PAX5: variants seen among roughly 807,000 people sequenced by gnomAD.
The protein encoded by PAX5 is paired box 5, also known as paired box protein Pax-5.
A neutral mutation model predicts 43.7 loss-of-function variants in PAX5; 9 were observed. The observed-to-expected ratio is 0.21, with a 90% confidence interval of 0.12 to 0.36. PAX5 has a LOEUF of 0.36. Among genes scored for constraint, PAX5 ranks in the 10% least tolerant of loss-of-function variants. The pLI, the probability that PAX5 is intolerant of heterozygous loss-of-function variation, is 1.00. For synonymous variants in PAX5, 228 were observed against 214.3 expected, an observed-to-expected ratio of 1.06 and a Z score of -0.56; for missense variants, 383 against 532.7, an observed-to-expected ratio of 0.72 and a Z score of 2.77.
At chr9:37,027,235 C>T (rs1840484299) in intron 1 of PAX5, among the ~76,000 whole-genome samples, 1 of 152,232 alleles carries the variant, frequency 6.6e-6, no homozygotes, top group African/African-American at 2.4e-5. Context: ...GAGATGCTTC[C>T]GCCCCTGACG....
intron 8 of PAX5, among the ~76,000 whole-genome samples, chr9:36,869,713 A>T (rs1422222573): frequency 6.6e-6 from 1 of 152,218 alleles, no homozygotes; most frequent in African/African-American, 2.4e-5. Context: ...TTGATCTTGT[A>T]TCCTTAGGCT....
chr9:36,916,269 T>C (rs969025813), intron 7 of PAX5, among the ~76,000 whole-genome samples: 4 of 152,168 alleles, frequency 2.6e-5, no homozygotes, highest in Non-Finnish European at 5.9e-5. Flanking sequence ...CCCAAGTATA[T>C]TTGGACCTAT....
chr9:36,935,399 A>C (rs964117937), intron 6 of PAX5, among the ~76,000 whole-genome samples: 2 of 152,104 alleles, frequency 1.3e-5, no homozygotes, highest in South Asian at 2.1e-4. Flanking sequence ...ACAAACAAAA[A>C]AAAAAATGAT....
At chr9:37,024,990 C>A (rs1401996297) in intron 1 of PAX5, among the ~76,000 whole-genome samples, 1 of 152,212 alleles carries the variant, frequency 6.6e-6, no homozygotes, top group Non-Finnish European at 1.5e-5. Context: ...CAGAGCATTG[C>A]CCTAACTGGT....
intron 1 of PAX5, among the ~76,000 whole-genome samples, chr9:37,025,696 G>A (rs1206296918): frequency 1.3e-5 from 2 of 152,236 alleles, no homozygotes; most frequent in Non-Finnish European, 2.9e-5. Flanking sequence ...TGAATTGGCA[G>A]GATCCCTGCG....
chr9:36,854,653 T>C (rs1166565030), intron 8 of PAX5, among the ~76,000 whole-genome samples: 3 of 152,140 alleles, frequency 2.0e-5, no homozygotes, highest in Non-Finnish European at 4.4e-5. Flanking sequence ...CTTCTCACCG[T>C]TCCTCTCTCC....
chr9:36,883,996 A>T (rs559598230), intron 7 of PAX5, among the ~76,000 whole-genome samples: 5 of 148,298 alleles, frequency 3.4e-5, no homozygotes, highest in East Asian at 1.9e-4. Context: ...GAAAAAGTTT[A>T]AAAAAAAATA....
intron 7 of PAX5, among the ~76,000 whole-genome samples, chr9:36,912,630 C>T (rs1829392053): frequency 6.6e-6 from 1 of 152,200 alleles, no homozygotes; most frequent in Admixed American, 6.5e-5. Flanking sequence ...GAGCAGGTCA[C>T]TTCCCTCTCT....
intron 7 of PAX5, among the ~76,000 whole-genome samples, chr9:36,891,727 C>G (rs78366821): frequency 3.9e-5 from 6 of 152,222 alleles, no homozygotes; most frequent in Non-Finnish European, 7.3e-5. Flanking sequence ...GTGTTATTGA[C>G]TTAGGAATAG....
chr9:36,986,006 G>C (rs959145961), intron 5 of PAX5, among the ~76,000 whole-genome samples: 1 of 151,886 alleles, frequency 6.6e-6, no homozygotes, highest in Non-Finnish European at 1.5e-5. Context: ...CACGCTGCGC[G>C]TCCGCCATCC....
chr9:36,977,308 G>T (rs1030285192), intron 5 of PAX5, among the ~76,000 whole-genome samples: 1 of 138,966 alleles, frequency 7.2e-6, no homozygotes, highest in Non-Finnish European at 1.6e-5. Flanking sequence ...CTAAAGATTG[G>T]GGGGGTGGGG....
At position 36,882,102 on chromosome 9, in the gene PAX5, C is replaced by G; in HGVS notation, c.914G>C (p.Arg305Pro). The stretch of plus-strand genomic sequence containing the variant: ...GGGGAGGGTCGTGCTCGCCAAGTCA[C>G]GGCCTGAGGAATCAAAGCAACAAAT... ...GPQSYPIVTG[R>P]DLASTTLPGY... The change falls in exon 8 of 10, where the codon CGT (arginine) becomes CCT (proline). Residue 305 changes from arginine to proline, a missense_variant. Physicochemically the swap from Arg to Pro is moderately radical, Grantham distance 103. Coordinates refer to ENST00000358127, the MANE Select transcript of PAX5 (RefSeq NM_016734.3). This position sits in a 1 kb window ranked among gnomAD's most constrained non-coding sequence, Gnocchi z 4.4. 1 of 1,581,876 alleles carries G rather than the reference C, an allele frequency of 6.3e-7. No individual in the cohort carries two copies. Among genetic ancestry groups the G allele is most frequent in the Non-Finnish European group, 8.6e-7 (1 of 1,160,542 alleles).
At chr9:36,981,043 C>T (rs994879848) in intron 5 of PAX5, among the ~76,000 whole-genome samples, 3 of 152,184 alleles carry the variant, frequency 2.0e-5, no homozygotes, top group African/African-American at 4.8e-5. Context: ...CCAAGCTCAC[C>T]GGCCTTGGGG....
At chr9:36,863,760 C>CA (rs1301712240) in intron 8 of PAX5, among the ~76,000 whole-genome samples, 3 of 152,032 alleles carry the variant, frequency 2.0e-5, no homozygotes, top group Non-Finnish European at 2.9e-5. Context: ...GGGAGCATTG[C>CA]AAAAAACACG....
chr9:36,945,673 C>T (rs1372617981), intron 6 of PAX5, among the ~76,000 whole-genome samples: 1 of 152,224 alleles, frequency 6.6e-6, no homozygotes, highest in African/African-American at 2.4e-5. Flanking sequence ...GCTTGATCCA[C>T]AGCCATTGTT....
chr9:36,844,168 A>G (rs1042587394), intron 9 of PAX5, among the ~76,000 whole-genome samples: 1 of 152,212 alleles, frequency 6.6e-6, no homozygotes, highest in East Asian at 1.9e-4. Flanking sequence ...ACTCACACAC[A>G]GGTCTGAGTA....
At chr9:36,889,003 A>G (rs773211773) in intron 7 of PAX5, among the ~76,000 whole-genome samples, 2 of 152,186 alleles carry the variant, frequency 1.3e-5, no homozygotes, top group African/African-American at 4.8e-5. Flanking sequence ...GCTTTCTTTG[A>G]TAATTGGAAA....
chr9:36,988,079 AG>A (rs1836602540), intron 5 of PAX5, among the ~76,000 whole-genome samples: 1 of 152,116 alleles, frequency 6.6e-6, no homozygotes, highest in Admixed American at 6.5e-5. Flanking sequence ...AAGGATCAGG[AG>A]CTGGAAGGGT....
At chr9:37,013,347 T>G (rs1184244601) in intron 3 of PAX5, among the ~76,000 whole-genome samples, 1 of 152,136 alleles carries the variant, frequency 6.6e-6, no homozygotes, top group Non-Finnish European at 1.5e-5. Context: ...CTTATCTGCC[T>G]GGCCCCATGT....
Sources: gnomAD v4.1 joint callset for allele counts (sites outside exome capture counted in the v4.1 genomes callset) on GRCh38, gnomAD v4.1.1 for gene constraint, Gnocchi (gnomAD v3.1) non-coding constraint, MANE v1.5 for transcripts, NCBI Gene and HGNC (gene_info 2026-07-23, HGNC 2026-07-21) for gene names.